The following DOCK3 variants were observed in gnomAD, a reference collection of about 807,000 sequenced individuals.
The protein encoded by DOCK3 is dedicator of cytokinesis 3, also known as dedicator of cytokinesis protein 3.
A neutral mutation model predicts 265.6 loss-of-function variants in DOCK3; 60 were observed. The observed-to-expected ratio is 0.23, with a 90% CI of 0.18 to 0.28. DOCK3 has a LOEUF of 0.28. Among genes scored for constraint, DOCK3 ranks in the 10% least tolerant of loss-of-function variants. The pLI is 1.00. For synonymous variants in DOCK3, 881 were observed against 938.0 expected (o/e 0.94, Z 1.11); for missense variants, 1,981 against 2,594.3 (o/e 0.76, Z 5.14).
At chr3:51,016,610 T>A (rs182958728) in intron 5 of DOCK3, among the ~76,000 whole-genome samples, 5 of 61,422 alleles carry the variant, frequency 8.1e-5, no homozygotes, top group African/African-American at 3.3e-4. Context: ...ATATATATAT[T>A]ATATATTTAT....
At chr3:50,869,369 TTTTTTTTTTTTTTTTTTTTTTG>T (rs2047325920) in intron 3 of DOCK3, among the ~76,000 whole-genome samples, 3 of 53,874 alleles carry the variant, frequency 5.6e-5, no homozygotes, top group African/African-American at 1.4e-4. Context: ...TTTTTTTTTT[TTTTTTTTTTTTTTTTTTTTTTG>T]GAGATAGGGT....
rs1182789534 is a variant in DOCK3 at position 51,024,524 on chromosome 3, G to A, written c.316-39924G>A. Among the ~76,000 whole-genome samples, 6 of 152,192 alleles carry A rather than the reference G, an allele frequency of 3.9e-5. No individual in the cohort carries two copies. In the East Asian group the frequency reaches 1.2e-3, roughly 29 times the overall value. On this transcript the variant is annotated intron_variant, in intron 5 of 52. Coordinates refer to ENST00000266037, the MANE Select transcript of DOCK3 (RefSeq NM_004947.5). ...TGTTCTGAGATTTTATCAGGGTGAA[G>A]GGTGAGAGCTACCTCAGCTTCCCTG...
chr3:51,376,675 A>G (rs1212715610), intron 51 of DOCK3, among the ~76,000 whole-genome samples: 1 of 152,014 alleles, frequency 6.6e-6, no homozygotes, highest in African/African-American at 2.4e-5. Flanking sequence ...CACCAATACA[A>G]CCTGTCATCC....
At chr3:50,751,361 C>T (rs908906448) in intron 1 of DOCK3, among the ~76,000 whole-genome samples, 12 of 151,770 alleles carry the variant, frequency 7.9e-5, no homozygotes, top group Non-Finnish European at 1.3e-4. Flanking sequence ...CCTATCAACC[C>T]GTCATCTAGG....
At chr3:51,298,547 G>A (rs983026049) in intron 27 of DOCK3, among the ~76,000 whole-genome samples, 6 of 151,838 alleles carry the variant, frequency 4.0e-5, no homozygotes, top group Admixed American at 6.6e-5. Flanking sequence ...GCTATTTTTC[G>A]TAATGCTCTC....
chr3:50,952,299 A>G (rs186849803), intron 5 of DOCK3, among the ~76,000 whole-genome samples: 1 of 152,308 alleles, frequency 6.6e-6, no homozygotes, highest in East Asian at 1.9e-4. Context: ...CAAATGTTCT[A>G]AAACTTTGGA....
intron 5 of DOCK3, among the ~76,000 whole-genome samples, chr3:51,000,532 C>T (rs2078441716): frequency 6.6e-6 from 1 of 152,132 alleles, no homozygotes; most frequent in Non-Finnish European, 1.5e-5. Flanking sequence ...TTTCAAGTTG[C>T]CTTTTTCTTG....
At position 50,929,946 on chromosome 3, in the gene DOCK3, C is replaced by T. The variant is rs9311459; in HGVS notation, c.219-4035C>T. Among the ~76,000 whole-genome samples, 425 of 152,338 alleles carry T rather than the reference C, an allele frequency of 2.8e-3. 3 individuals are homozygous for T. Among genetic ancestry groups the T allele is most frequent in the African/African-American group, 9.8e-3 (407 of 41,564 alleles). ...ACTAATCATTTTATTTGACACTTCA[C>T]ACTTACCACATCACACTTTGGTATC... is the stretch of plus-strand genomic sequence containing the variant. On this transcript the variant is annotated intron_variant, in intron 4 of 52. Transcript: ENST00000266037.
At chr3:51,249,475 G>A (rs1576535183) in intron 22 of DOCK3, among the ~76,000 whole-genome samples, 4 of 107,172 alleles carry the variant, frequency 3.7e-5, no homozygotes, top group African/African-American at 7.4e-5. Context: ...CCTCTGCCCA[G>A]CCAGCCGCCC....
intron 2 of DOCK3, among the ~76,000 whole-genome samples, chr3:50,794,159 G>T (rs986511436): frequency 6.6e-6 from 1 of 152,164 alleles, no homozygotes; most frequent in Admixed American, 6.5e-5. Context: ...CGAGTATGTG[G>T]TCAATTTTAG....
chr3:51,314,993 C>G lies in DOCK3; in HGVS notation c.3267C>G (p.Ile1089Met), dbSNP rs2083289416. The change falls in exon 32 of 53, where the codon ATC becomes ATG. Residue 1089 changes from isoleucine (I) to methionine (M), a missense_variant. Physicochemically the swap from Ile to Met is conservative, Grantham distance 10. Transcript: ENST00000266037. ...TTTGTTTTTCAGGTGAACATAAGAT[C>G]CACTTTATTCCGGGAATGATTGGTC... ...SMWQNLGEHK[I>M]HFIPGMIGPF... The G allele has an allele frequency of 1.9e-6, 3 of 1,605,732 alleles. No individual in the cohort carries two copies. The highest frequency in any genetic ancestry group is 2.6e-6 in the Non-Finnish European group (3 of 1,175,044).
intron 1 of DOCK3, among the ~76,000 whole-genome samples, chr3:50,700,286 G>A (rs1417201907): frequency 6.6e-6 from 1 of 152,180 alleles, no homozygotes; most frequent in Non-Finnish European, 1.5e-5. Context: ...TGTCAAAAAA[G>A]ACAAAGCAAA....
intron 8 of DOCK3, 146 bp downstream of exon 8, chr3:51,089,430 C>A: frequency 2.1e-6 from 2 of 935,040 alleles, no homozygotes; most frequent in Non-Finnish European, 3.2e-6. Context: ...GACCTCTAAA[C>A]AGTTTTGGCC....
chr3:51,324,921 G>A (rs935553545), intron 32 of DOCK3, among the ~76,000 whole-genome samples: 5 of 152,224 alleles, frequency 3.3e-5, no homozygotes, highest in South Asian at 2.1e-4. Flanking sequence ...TTAACTCAAC[G>A]TGGATTAAAG....
chr3:51,008,422 C>G (rs2078780104), intron 5 of DOCK3, among the ~76,000 whole-genome samples: 1 of 152,128 alleles, frequency 6.6e-6, no homozygotes, highest in Non-Finnish European at 1.5e-5. Flanking sequence ...TGATTTGGCT[C>G]TCTGTTTGTC....
chr3:51,027,837 A>C (rs1178420651), intron 5 of DOCK3, among the ~76,000 whole-genome samples: 1 of 151,328 alleles, frequency 6.6e-6, no homozygotes, highest in Admixed American at 6.6e-5. Context: ...TACATGAGAC[A>C]TGAGTCTCTT....
At chr3:50,764,917 ATTTGT>A (rs959587953) in intron 1 of DOCK3, among the ~76,000 whole-genome samples, 1 of 152,032 alleles carries the variant, frequency 6.6e-6, no homozygotes, top group African/African-American at 2.4e-5. Context: ...TAAAGGGCAT[ATTTGT>A]TTTGTTTTGT....
chr3:51,266,127 T>C (rs2080149067), intron 23 of DOCK3, among the ~76,000 whole-genome samples: 1 of 152,096 alleles, frequency 6.6e-6, no homozygotes, highest in Non-Finnish European at 1.5e-5. Flanking sequence ...AGAAGGGATA[T>C]GAAGGAACTC....
intron 19 of DOCK3, among the ~76,000 whole-genome samples, chr3:51,234,011 A>G (rs895014993): frequency 1.3e-5 from 2 of 152,230 alleles, no homozygotes; most frequent in African/African-American, 2.4e-5. Flanking sequence ...TATACCCAGT[A>G]GTGGGATTGC....
Sources: allele counts gnomAD v4.1 joint callset (sites outside exome capture counted in the v4.1 genomes callset), GRCh38; gene constraint gnomAD v4.1.1; transcripts MANE v1.5; gene names NCBI Gene and HGNC (gene_info 2026-07-23, HGNC 2026-07-21).